Variants in ADAMTS3 observed in about 807,000 individuals in gnomAD.
ADAMTS3 encodes ADAM metallopeptidase with thrombospondin type 1 motif 3, also known as A disintegrin and metalloproteinase with thrombospondin motifs 3.
Under a neutral mutation model 129.0 loss-of-function variants are expected in ADAMTS3, and 73 were observed. The observed-to-expected ratio is 0.57, with a 90% CI of 0.47 to 0.69. The LOEUF (loss-of-function observed/expected upper bound fraction) is 0.69. ADAMTS3 is among the 30% of genes least tolerant of loss of function. The pLI is 0.00. For synonymous variants in ADAMTS3, 477 were observed against 510.8 expected (o/e 0.93, Z 0.89); for missense variants, 1,457 against 1,514.5 (o/e 0.96, Z 0.63).
At chr4:72,451,018 A>AGAGAAGAGAAGAGAAGAG (rs1560520122) in intron 3 of ADAMTS3, among the ~76,000 whole-genome samples, 3 of 150,498 alleles carry the variant, frequency 2.0e-5, no homozygotes, top group South Asian at 2.1e-4. Context: ...AGAGAAGAGA[A>AGAGAAGAGAAGAGAAGAG]ATTTGCAACA....
chr4:72,428,472 A>C (rs1283137690), intron 3 of ADAMTS3, among the ~76,000 whole-genome samples: 1 of 152,076 alleles, frequency 6.6e-6, no homozygotes, highest in Non-Finnish European at 1.5e-5. Context: ...GGATGGCTAA[A>C]GCCATAGTAG....
chr4:72,290,404 G>A (rs973621989), intron 20 of ADAMTS3, among the ~76,000 whole-genome samples: 3 of 152,142 alleles, frequency 2.0e-5, no homozygotes, highest in Non-Finnish European at 4.4e-5. Flanking sequence ...CAGGTAGGAG[G>A]AGGGGGAGTA....
rs538972842 is a variant in ADAMTS3, at chr4:72,548,751, A to T, written c.231T>A (p.Pro77=). ...KRSARDVSSN[P]EQLFFNITAF... is the part of the protein sequence containing the mutation. ...CCGTGATGTTAAAGAACAACTGCTC[A>T]GGGTTGGAAGACACGTCCCTCGCTG... Residue 77 remains proline (P), a synonymous_variant, in exon 3 of 22, where the codon CCT becomes CCA. Transcript: ENST00000286657. The T allele has an allele frequency of 1.2e-5, 19 of 1,613,982 alleles. No individual in the cohort carries two copies. The South Asian group carries it at 1.4e-4, about 12-fold the overall frequency.
At chr4:72,314,367 A>G (rs937879020) in intron 11 of ADAMTS3, among the ~76,000 whole-genome samples, 4 of 152,170 alleles carry the variant, frequency 2.6e-5, no homozygotes, top group African/African-American at 9.6e-5. Flanking sequence ...CAACAATTAG[A>G]TGAGGAAAAT....
intron 20 of ADAMTS3, 80 bp downstream of exon 20, chr4:72,290,775 G>C: frequency 7.0e-7 from 1 of 1,436,534 alleles, no homozygotes; most frequent in Non-Finnish European, 9.7e-7. Flanking sequence ...AAGCCTAACT[G>C]ATGTTTAAGC....
At chr4:72,414,777 A>C (rs1722262563) in intron 4 of ADAMTS3, 38 bp downstream of exon 4, 1 of 1,331,464 alleles carries the variant, frequency 7.5e-7, no homozygotes, top group African/African-American at 1.5e-5. Flanking sequence ...CATATCTTAA[A>C]ATTATATTTC....
At chr4:72,399,206 G>A (rs553576391) in intron 4 of ADAMTS3, among the ~76,000 whole-genome samples, 40 of 152,140 alleles carry the variant, frequency 2.6e-4, no homozygotes, top group Admixed American at 6.5e-5. Flanking sequence ...TTGGTGGGAG[G>A]ATTGCTTGAG....
chr4:72,307,150 T>A (rs929453765), intron 15 of ADAMTS3, among the ~76,000 whole-genome samples: 18 of 152,162 alleles, frequency 1.2e-4, no homozygotes, highest in African/African-American at 4.1e-4. Flanking sequence ...TTTTTGTCAT[T>A]TGTATATGTA....
chr4:72,435,230 T>C (rs184759464), intron 3 of ADAMTS3, among the ~76,000 whole-genome samples: 1 of 151,970 alleles, frequency 6.6e-6, no homozygotes, highest in African/African-American at 2.4e-5. Context: ...ACTGCCTTGT[T>C]TGATTTTAGC....
chr4:72,498,024 T>C (rs182553824), intron 3 of ADAMTS3, among the ~76,000 whole-genome samples: 2 of 152,096 alleles, frequency 1.3e-5, no homozygotes, highest in Admixed American at 1.3e-4. Flanking sequence ...CTCTCTAAAT[T>C]CTCTCTTTGT....
chr4:72,446,016 A>G (rs1718243799), intron 3 of ADAMTS3, among the ~76,000 whole-genome samples: 1 of 151,700 alleles, frequency 6.6e-6, no homozygotes. Context: ...GGAAACTGGA[A>G]AGGATTAATC....
At chr4:72,364,322 G>T (rs1268866006) in intron 4 of ADAMTS3, among the ~76,000 whole-genome samples, 1 of 152,060 alleles carries the variant, frequency 6.6e-6, no homozygotes, top group Non-Finnish European at 1.5e-5. Flanking sequence ...ATTATAATTA[G>T]AATATAAATC....
rs1722265864 is a variant in ADAMTS3 at position 72,414,887 on chromosome 4, T to C, written c.589A>G (p.Ile197Val). 1.3e-6 allele frequency: 2 copies of C among 1,585,650 alleles called. No homozygotes were observed. Among genetic ancestry groups the C allele is most frequent in the Admixed American group, 1.8e-5 (1 of 55,084 alleles). ...GKQMEEEKGR[I>V]HVVYKRSAVE... ...GCTGATCTCTTGTAGACAACATGAA[T>C]CCTTCCTTTTTCTTCCTCCATCTGT... Residue 197 changes from isoleucine (I) to valine (V), a missense_variant, in exon 4 of 22, where the codon ATT (isoleucine) becomes GTT (valine). By Grantham distance (29) the Ile-to-Val change is conservative. Coordinates refer to ENST00000286657, the MANE Select transcript of ADAMTS3 (RefSeq NM_014243.3).
At chr4:72,288,923 TACACACACAC>T (rs33967517) in intron 20 of ADAMTS3, 55 bp from the exon 21 acceptor site, 558 of 452,532 alleles carry the variant, frequency 1.2e-3, no homozygotes, top group East Asian at 2.9e-3. Context: ...ACCATGCACA[TACACACACAC>T]ACACACACAC....
chr4:72,313,572 G>T, intron 12 of ADAMTS3, 105 bp downstream of exon 12: 1 of 1,199,000 alleles, frequency 8.3e-7, no homozygotes, highest in Non-Finnish European at 1.2e-6. Context: ...TTATTTTCCT[G>T]CCCTGTGTTT....
chr4:72,345,608 A>G (rs543599894), intron 4 of ADAMTS3, among the ~76,000 whole-genome samples: 2 of 152,258 alleles, frequency 1.3e-5, no homozygotes, highest in African/African-American at 2.4e-5. Context: ...TGTCAATTCA[A>G]AAGTTTCACT....
chr4:72,484,059 T>G (rs1719513900), intron 3 of ADAMTS3, among the ~76,000 whole-genome samples: 1 of 152,058 alleles, frequency 6.6e-6, no homozygotes, highest in African/African-American at 2.4e-5. Flanking sequence ...ATTTGTTTGT[T>G]CTATTTATTT....
intron 2 of ADAMTS3, among the ~76,000 whole-genome samples, chr4:72,562,279 A>G (rs181706749): frequency 6.6e-6 from 1 of 152,336 alleles, no homozygotes; most frequent in African/African-American, 2.4e-5. Flanking sequence ...AGTTGCTAGT[A>G]GGAGTTCAGA....
At chr4:72,529,941 T>TG in intron 3 of ADAMTS3, among the ~76,000 whole-genome samples, 1 of 49,458 alleles carries the variant, frequency 2.0e-5, no homozygotes, top group South Asian at 7.3e-4. Context: ...ATATATTATA[T>TG]TTATATATAA....
Sources: gnomAD v4.1 joint callset for allele counts (sites outside exome capture counted in the v4.1 genomes callset) on GRCh38, gnomAD v4.1.1 for gene constraint, MANE v1.5 for transcripts, NCBI Gene and HGNC (gene_info 2026-07-23, HGNC 2026-07-21) for gene names.